SEL1L3: variants seen among roughly 807,000 people sequenced by gnomAD.
The protein encoded by SEL1L3 is SEL1L family member 3.
In SEL1L3, 76 loss-of-function variants were observed where a neutral mutation model predicts 142.8. That is an observed-to-expected ratio of 0.53 (90% confidence interval 0.44 to 0.64). SEL1L3 has a LOEUF of 0.64. Ranked by LOEUF, SEL1L3 falls within the 30% of genes least tolerant of loss-of-function variation. The pLI, the probability that SEL1L3 is intolerant of heterozygous loss-of-function variation, is 0.00. For synonymous variants in SEL1L3, 504 were observed against 519.6 expected, an observed-to-expected ratio of 0.97 and a Z score of 0.41; for missense variants, 1,262 against 1,381.7, an observed-to-expected ratio of 0.91 and a Z score of 1.37.
the SEL1L3 span, among the ~76,000 whole-genome samples, chr4:25,729,496 C>T: frequency 6.6e-6 from 1 of 152,130 alleles, no homozygotes; most frequent in African/African-American, 2.4e-5. Flanking sequence ...GGCAGATCAC[C>T]TGAGGTCAGG....
chr4:25,836,256 C>T (rs1236960730), intron 2 of SEL1L3, among the ~76,000 whole-genome samples: 1 of 152,152 alleles, frequency 6.6e-6, no homozygotes, highest in Non-Finnish European at 1.5e-5. Context: ...ATACTTAATA[C>T]CTAACACTTT....
chr4:25,735,825 T>A, the SEL1L3 span, among the ~76,000 whole-genome samples: 1 of 146,864 alleles, frequency 6.8e-6, no homozygotes, highest in Non-Finnish European at 1.5e-5. Flanking sequence ...TTCTAACTAT[T>A]CTTTTTTTTT....
intron 9 of SEL1L3, among the ~76,000 whole-genome samples, chr4:25,805,156 A>G (rs563741679): frequency 6.6e-6 from 1 of 152,318 alleles, no homozygotes; most frequent in South Asian, 2.1e-4. Flanking sequence ...ACTGCTCTAA[A>G]AAGTTGAGCA....
downstream of SEL1L3, among the ~76,000 whole-genome samples, chr4:25,746,530 A>AATTATATATCTATTATTATATCT (rs1287514369): frequency 7.5e-5 from 10 of 133,904 alleles, no homozygotes; most frequent in African/African-American, 2.9e-4. Context: ...ATATATATTT[A>AATTATATATCTATTATTATATCT]AATATATATA....
chr4:25,767,341 G>T (rs754183155), intron 19 of SEL1L3, among the ~76,000 whole-genome samples, 184 bp downstream of exon 19: 56 of 152,104 alleles, frequency 3.7e-4, no homozygotes, highest in Non-Finnish European at 5.3e-4. Flanking sequence ...GGGACAATGG[G>T]TGAGGAGTAG....
At position 25,862,658 on chromosome 4, in the gene SEL1L3, C is replaced by A. The variant is rs1375985842; in HGVS notation, c.162+17G>T. On this transcript the variant is annotated intron_variant, in intron 1 of 23. Coordinates refer to ENST00000399878, the MANE Select transcript of SEL1L3 (RefSeq NM_015187.5). Reference sequence around the variant, plus strand: ...CCCCGCGCGGAGGGGAAGACCCGGGCAGGGTCCGGCGCTCACCAGGTAGCA... The same window carrying A: ...CCCCGCGCGGAGGGGAAGACCCGGGAAGGGTCCGGCGCTCACCAGGTAGCA... 8.0e-7 allele frequency: 1 copy of A among 1,247,974 alleles called. No individual in the cohort carries two copies. Among genetic ancestry groups the A allele is most frequent in the Non-Finnish European group, 1.0e-6 (1 of 993,690 alleles). 77.3% of individuals were successfully genotyped at this position (1,247,974 alleles called of 1,614,324 possible).
chr4:25,765,501 T>C, intron 19 of SEL1L3, 66 bp from the exon 20 acceptor site: 1 of 1,049,714 alleles, frequency 9.5e-7, no homozygotes, highest in Non-Finnish European at 1.5e-6. Context: ...TTTAAATTAT[T>C]GGCGCATTCA....
At chr4:25,800,806 C>A (rs1357455634) in intron 11 of SEL1L3, among the ~76,000 whole-genome samples, 1 of 152,212 alleles carries the variant, frequency 6.6e-6, no homozygotes. Context: ...AATTAGAATG[C>A]CTACATAGAC....
In SEL1L3 at chr4:25,782,298, T is replaced by A. The variant is rs769617944; in HGVS notation, c.2401A>T (p.Asn801Tyr). The A allele has an allele frequency of 5.0e-6, 8 of 1,613,916 alleles. No individual in the cohort carries two copies. Among genetic ancestry groups the A allele is most frequent in the Non-Finnish European group, 6.8e-6 (8 of 1,179,804 alleles). The part of the protein sequence containing the change: ...EEMGNPDASY[N>Y]LGVLHLDGIF... Reference sequence around the variant, plus strand: ...CCATCCAAATGCAGGACTCCAAGATTGTATGACGCATCTGGGTTCCCCATT... The same window carrying A: ...CCATCCAAATGCAGGACTCCAAGATAGTATGACGCATCTGGGTTCCCCATT... Residue 801 changes from asparagine to tyrosine, a missense_variant, in exon 15 of 24, where the codon AAT becomes TAT. This residue lies in a region of SEL1L3 where 435 missense variants were observed against 559.2 expected (regional missense o/e 0.78). Coordinates refer to ENST00000399878, the MANE Select transcript of SEL1L3 (RefSeq NM_015187.5).
At chr4:25,726,417 A>G in the SEL1L3 span, among the ~76,000 whole-genome samples, 1 of 151,410 alleles carries the variant, frequency 6.6e-6, no homozygotes. Context: ...AATCCCAGTT[A>G]CTTAGGAGCC....
Position 25,804,646 on chromosome 4 carries a change from G to A in SEL1L3, c.1671C>T (p.Ile557=), listed in dbSNP as rs761382330. 48 of 1,613,404 alleles carry A rather than the reference G, an allele frequency of 3.0e-5. No individual in the cohort carries two copies. Among genetic ancestry groups the A allele is most frequent in the Admixed American group, 6.7e-5 (4 of 60,000 alleles). ...SIDGLHQISS[I]VPFLTDSSCC... ...AGCTGGAATCCGTCAGAAAGGGGAC[G>A]ATAGAGCTAATTTGGTGAAGACCAT... The change falls in exon 10 of 24, where the codon ATC becomes ATT. Residue 557 remains isoleucine, a synonymous_variant. Transcript: ENST00000399878.
At chr4:25,837,357 A>G (rs1286578292) in intron 2 of SEL1L3, among the ~76,000 whole-genome samples, 1 of 145,542 alleles carries the variant, frequency 6.9e-6, no homozygotes, top group Non-Finnish European at 1.5e-5. Flanking sequence ...GTCAAAACAA[A>G]TGGGATTCAA....
chr4:25,746,507 A>AATATATATATATATATATATATAT (rs141668402), downstream of SEL1L3, among the ~76,000 whole-genome samples: 9 of 101,556 alleles, frequency 8.9e-5, no homozygotes, highest in East Asian at 3.2e-4. Flanking sequence ...ATATTATCTA[A>AATATATATATATATATATATATAT]ATATATATAT....
intron 9 of SEL1L3, among the ~76,000 whole-genome samples, chr4:25,805,084 C>A (rs763500124): frequency 6.6e-6 from 1 of 152,192 alleles, no homozygotes; most frequent in Non-Finnish European, 1.5e-5. Context: ...CCAGAGGGAC[C>A]TTTTCCCCCT....
rs937741896 is a variant in SEL1L3, at chr4:25,788,477, G to C, written c.2077-113C>G. 2.7e-6 allele frequency: 3 copies of C among 1,093,596 alleles called. No homozygotes were observed. In the African/African-American group the frequency reaches 4.7e-5, roughly 17 times the overall value. The allele number at this position is 1,093,596 out of a possible 1,614,324, so 67.7% of individuals were successfully genotyped here. A position where few individuals can be genotyped will look rare whatever the true frequency, so the allele number is the denominator to read the frequency against. On this transcript the variant is annotated intron_variant, in intron 12 of 23. Transcript: ENST00000399878. The surrounding 1 kb of genome is among the most constrained non-coding windows in gnomAD (Gnocchi z 5.3). Reference sequence around the variant, plus strand: ...TACGATGTTTTAGATTGAGAACCAAGGATTAGATACACTTTATCTTCCAAC... The same window carrying C: ...TACGATGTTTTAGATTGAGAACCAACGATTAGATACACTTTATCTTCCAAC...
chr4:25,819,305 G>T (rs1439312608), intron 8 of SEL1L3, among the ~76,000 whole-genome samples: 1 of 151,888 alleles, frequency 6.6e-6, no homozygotes, highest in East Asian at 1.9e-4. Context: ...AAAAATTACC[G>T]ATGTCTTCGA....
chr4:25,777,844 AG>A (rs767166802), intron 16 of SEL1L3: 5 of 456,106 alleles, frequency 1.1e-5, no homozygotes, highest in Non-Finnish European at 2.2e-5. Flanking sequence ...TTGGAGAGCC[AG>A]GGTATCAGTG....
chr4:25,785,285 ACTGT>A (rs1017817366), intron 13 of SEL1L3, among the ~76,000 whole-genome samples: 24 of 152,342 alleles, frequency 1.6e-4, no homozygotes, highest in African/African-American at 5.8e-4. Context: ...TTGGCCAAGC[ACTGT>A]CTAAGTGCTT....
intron 2 of SEL1L3, among the ~76,000 whole-genome samples, chr4:25,846,273 C>A (rs2109307285): frequency 6.6e-6 from 1 of 152,304 alleles, no homozygotes; most frequent in South Asian, 2.1e-4. Flanking sequence ...GGCCTTGGAG[C>A]CTCCGGGATT....
Sources: allele counts gnomAD v4.1 joint callset (sites outside exome capture counted in the v4.1 genomes callset), GRCh38; gene constraint gnomAD v4.1.1; regional missense constraint gnomAD v4.1.1; non-coding constraint Gnocchi (gnomAD v3.1); transcripts MANE v1.5; gene names NCBI Gene and HGNC (gene_info 2026-07-23, HGNC 2026-07-21).